The following METTL25 variants were observed in gnomAD, a reference collection of about 807,000 sequenced individuals.
METTL25 encodes methyltransferase like 25, also known as probable methyltransferase-like protein 25.
A neutral mutation model predicts 71.6 loss-of-function variants in METTL25; 64 were observed. That is an observed-to-expected ratio of 0.89 (90% CI 0.73 to 1.10). The LOEUF (loss-of-function observed/expected upper bound fraction) is 1.10. METTL25 is among the 50% of genes least tolerant of loss of function. The probability of loss-of-function intolerance (pLI) is 0.00; values close to 1 mark genes in which losing one functional copy is unlikely to be tolerated. For synonymous variants in METTL25, 287 were observed against 250.3 expected (o/e 1.15, Z -1.38); for missense variants, 807 against 707.0 (o/e 1.14, Z -1.60).
chr12:82,426,661 T>A (rs1243686561), intron 5 of METTL25, among the ~76,000 whole-genome samples: 2 of 152,002 alleles, frequency 1.3e-5, no homozygotes, highest in Non-Finnish European at 2.9e-5. Flanking sequence ...TCAGGAAACA[T>A]TTTTGAAGTA....
chr12:82,475,036 C>T (rs1411163832), intron 9 of METTL25, among the ~76,000 whole-genome samples: 2 of 152,136 alleles, frequency 1.3e-5, no homozygotes, highest in Non-Finnish European at 2.9e-5. Context: ...TAGTTTGAAA[C>T]AAATACAACT....
chr12:82,448,249 A>G (rs571715184), intron 8 of METTL25, among the ~76,000 whole-genome samples: 52 of 152,246 alleles, frequency 3.4e-4, no homozygotes, highest in African/African-American at 1.3e-3. Flanking sequence ...TAATTGAAAC[A>G]TTATCCTGAA....
In METTL25 at chr12:82,389,903, A is replaced by G. The variant is rs747690335; in HGVS notation, c.512A>G (p.Asp171Gly). The change falls in exon 3 of 12, where the codon GAC becomes GGC. Residue 171 changes from aspartate to glycine, a missense_variant. Asp to Gly is a moderately conservative substitution (Grantham distance 94). Coordinates refer to ENST00000248306, the MANE Select transcript of METTL25 (RefSeq NM_032230.3). ...AMSELISSIA[D>G]YYGIKQVIDL... ...TCAGAGCTGATCAGCAGTATTGCTGACTACTATGGAATAAAGCAGGTAAGA... is the reference window on the plus strand; with the variant it reads ...TCAGAGCTGATCAGCAGTATTGCTGGCTACTATGGAATAAAGCAGGTAAGA... The G allele has an allele frequency of 6.4e-7, 1 of 1,565,536 alleles. No homozygotes were observed. Among genetic ancestry groups the G allele is most frequent in the Non-Finnish European group, 8.8e-7 (1 of 1,139,400 alleles).
At chr12:82,430,191 T>C (rs1377368348) in intron 5 of METTL25, among the ~76,000 whole-genome samples, 1 of 151,474 alleles carries the variant, frequency 6.6e-6, no homozygotes, top group Non-Finnish European at 1.5e-5. Context: ...GCTTTTTTTT[T>C]CTTTTCAAAA....
chr12:82,412,789 T>C (rs1181819284), intron 5 of METTL25, among the ~76,000 whole-genome samples: 2 of 152,044 alleles, frequency 1.3e-5, no homozygotes, highest in African/African-American at 4.8e-5. Context: ...TTTCAGACAT[T>C]GAACTTTTCA....
chr12:82,443,815 C>A (rs1890539764), intron 8 of METTL25, among the ~76,000 whole-genome samples: 1 of 24,582 alleles, frequency 4.1e-5, no homozygotes, highest in South Asian at 0.013. Flanking sequence ...ACTAATAGAG[C>A]AAGAACTCAC....
chr12:82,422,038 C>G (rs989062790), intron 5 of METTL25, among the ~76,000 whole-genome samples: 1 of 152,162 alleles, frequency 6.6e-6, no homozygotes, highest in South Asian at 2.1e-4. Flanking sequence ...TCCTTCCTAA[C>G]TCATTTTATG....
chr12:82,447,104 T>G (rs1051490947), intron 8 of METTL25, among the ~76,000 whole-genome samples: 17 of 151,214 alleles, frequency 1.1e-4, no homozygotes, highest in Admixed American at 3.3e-4. Context: ...AAGAAAGAAA[T>G]AATCAAGATC....
chr12:82,432,789 T>A (rs1889615347), intron 6 of METTL25, among the ~76,000 whole-genome samples: 1 of 149,948 alleles, frequency 6.7e-6, no homozygotes, highest in Non-Finnish European at 1.5e-5. Flanking sequence ...ATTCTTTTAA[T>A]ATATCTTATT....
intron 5 of METTL25, among the ~76,000 whole-genome samples, chr12:82,413,216 TA>T: frequency 6.6e-6 from 1 of 151,948 alleles, no homozygotes; most frequent in East Asian, 1.9e-4. Flanking sequence ...GATGAGAACA[TA>T]AGAGCCAATT....
chr12:82,466,652 AT>A (rs1336045664), intron 9 of METTL25, among the ~76,000 whole-genome samples: 4 of 151,948 alleles, frequency 2.6e-5, no homozygotes, highest in African/African-American at 4.8e-5. Flanking sequence ...TTTTCTGTTG[AT>A]TATCTGTCTA....
chr12:82,451,319 G>C, intron 8 of METTL25: 1 of 945,738 alleles, frequency 1.1e-6, no homozygotes, highest in Non-Finnish European at 1.3e-6. Flanking sequence ...TCACCATTAA[G>C]AACATAAGCA....
rs143814363 is a variant in METTL25 at position 82,419,682 on chromosome 12, A to G, written c.1280-11211A>G. Among the ~76,000 whole-genome samples, 508 of 71,046 alleles carry G rather than the reference A, an allele frequency of 7.2e-3. 2 individuals carry two copies. Among genetic ancestry groups the G allele is most frequent in the Non-Finnish European group, 0.012 (408 of 33,566 alleles). 46.6% of individuals were successfully genotyped at this position (71,046 alleles called of 152,430 possible). ...GAAATGTCACCTCATACCTGTTAAA[A>G]TGACTGCTATTAAAAAAAAAAAGCC... On this transcript the variant is annotated intron_variant, in intron 5 of 11. Transcript: ENST00000248306.
In METTL25 at chr12:82,358,547, G is replaced by T. The variant is rs773856101; in HGVS notation, c.-19G>T. On this transcript the variant is annotated 5_prime_UTR_variant, in exon 1 of 12. Coordinates refer to ENST00000248306, the MANE Select transcript of METTL25 (RefSeq NM_032230.3). Reference sequence around the variant, plus strand: ...CACGGCCATGTTTGCGCCACCTACAGCCTCGGAGGGTGAGCGTCATGGCGG... The same window carrying T: ...CACGGCCATGTTTGCGCCACCTACATCCTCGGAGGGTGAGCGTCATGGCGG... 4 of 1,606,388 alleles carry T rather than the reference G, an allele frequency of 2.5e-6. No individual in the cohort carries two copies. The highest frequency in any genetic ancestry group is 1.3e-5 in the African/African-American group (1 of 74,912).
chr12:82,358,701 G>C lies in METTL25; in HGVS notation c.136G>C (p.Val46Leu). 6.2e-7 allele frequency: 1 copy of C among 1,614,208 alleles called. No homozygotes were observed. The highest frequency in any genetic ancestry group is 8.5e-7 in the Non-Finnish European group (1 of 1,180,054). Reference sequence around the variant, plus strand: ...TACCGTGGATTTCTACACAGAATCCGTGTGGGAGGAGCTGGTCGACTTGCC... The same window carrying C: ...TACCGTGGATTTCTACACAGAATCCCTGTGGGAGGAGCTGGTCGACTTGCC... ...AHTVDFYTES[V>L]WEELVDLPPE... The change falls in exon 1 of 12, where the codon GTG becomes CTG. Residue 46 changes from valine (V) to leucine (L), a missense_variant. Physicochemically the swap from Val to Leu is conservative, Grantham distance 32 (BLOSUM62 1). Coordinates refer to ENST00000248306, the MANE Select transcript of METTL25 (RefSeq NM_032230.3).
chr12:82,426,904 CT>C (rs970247753), intron 5 of METTL25, among the ~76,000 whole-genome samples: 34 of 152,092 alleles, frequency 2.2e-4, no homozygotes, highest in African/African-American at 7.9e-4. Flanking sequence ...ACACTTACAG[CT>C]TCACCACTTT....
At chr12:82,373,859 G>T (rs1271952182) in intron 1 of METTL25, among the ~76,000 whole-genome samples, 3 of 152,202 alleles carry the variant, frequency 2.0e-5, no homozygotes, top group Non-Finnish European at 4.4e-5. Flanking sequence ...TTAGTCTGGA[G>T]GTCATGCTAG....
intron 1 of METTL25, among the ~76,000 whole-genome samples, chr12:82,362,106 A>G (rs1315826457): frequency 1.3e-5 from 2 of 152,192 alleles, no homozygotes; most frequent in African/African-American, 2.4e-5. Flanking sequence ...TTTTTTCTAA[A>G]AGTCCTCAGT....
chr12:82,394,746 A>G (rs144454489), intron 3 of METTL25, among the ~76,000 whole-genome samples: 2 of 152,118 alleles, frequency 1.3e-5, no homozygotes, highest in African/African-American at 2.4e-5. Flanking sequence ...AAATTAAAAC[A>G]AAAGGGAGGA....
Sources: gnomAD v4.1 joint callset for allele counts (sites outside exome capture counted in the v4.1 genomes callset) on GRCh38, gnomAD v4.1.1 for gene constraint, MANE v1.5 for transcripts, NCBI Gene and HGNC (gene_info 2026-07-23, HGNC 2026-07-21) for gene names.